FOXO3: variants seen among roughly 807,000 people sequenced by gnomAD.
FOXO3 encodes forkhead box O3, also known as forkhead box protein O3.
Under a neutral mutation model 41.9 loss-of-function variants are expected in FOXO3, and 4 were observed. The observed-to-expected ratio is 0.10, with a 90% CI of 0.05 to 0.22. The LOEUF is 0.22. Among genes scored for constraint, FOXO3 ranks in the 10% least tolerant of loss-of-function variants. The pLI is 1.00. For missense variants in FOXO3, 534 were observed against 906.8 expected, an observed-to-expected ratio of 0.59 and a Z score of 5.28; for synonymous variants, 318 against 389.3, an observed-to-expected ratio of 0.82 and a Z score of 2.16.
chr6:108,597,334 G>A (rs1018770309), intron 1 of FOXO3, among the ~76,000 whole-genome samples: 7 of 152,186 alleles, frequency 4.6e-5, no homozygotes, highest in African/African-American at 1.4e-4. Context: ...AAGCACACCA[G>A]GCTGAGAATG....
intron 1 of FOXO3, among the ~76,000 whole-genome samples, chr6:108,616,236 C>T (rs1346679319): frequency 7.0e-6 from 1 of 143,338 alleles, no homozygotes; most frequent in African/African-American, 2.6e-5. Flanking sequence ...GCAGTCTCGG[C>T]TCACTGCAAG....
At chr6:108,600,382 C>A (rs1416361345) in intron 1 of FOXO3, among the ~76,000 whole-genome samples, 5 of 151,760 alleles carry the variant, frequency 3.3e-5, no homozygotes, top group Admixed American at 6.6e-5. Flanking sequence ...CCCACCTCTA[C>A]TAAAGATACA....
At position 108,626,292 on chromosome 6, in the gene FOXO3, C is replaced by T. The variant is rs536167096; in HGVS notation, c.622-37163C>T. Among the ~76,000 whole-genome samples, 10 of 152,276 alleles carry T rather than the reference C, an allele frequency of 6.6e-5. No individual in the cohort carries two copies. The South Asian group carries it at 2.1e-3, about 32-fold the overall frequency. On this transcript the variant is annotated intron_variant, in intron 1 of 2. Transcript: ENST00000406360. ...TCATTGGTCCTCAATGACTGACTGC[C>T]GGACTCAGAGTTGAGGGTCTGATCT...
intron 1 of FOXO3, among the ~76,000 whole-genome samples, chr6:108,585,433 T>C (rs1434254346): frequency 6.6e-6 from 1 of 152,248 alleles, no homozygotes; most frequent in Non-Finnish European, 1.5e-5. Flanking sequence ...CACTTGGAGT[T>C]TAGATTTTGC....
Position 108,664,175 on chromosome 6 carries a change from A to G in FOXO3, c.1342A>G (p.Met448Val). The change falls in exon 2 of 3, where the codon ATG (methionine) becomes GTG (valine). Residue 448 changes from methionine to valine, a missense_variant. Physicochemically the swap from Met to Val is conservative, Grantham distance 21. This residue lies in a region of FOXO3 where 185 missense variants were observed against 224.9 expected (regional missense o/e 0.82). Transcript: ENST00000406360. ...TCTGAACTCCCTACGCCAGTCTCCC[A>G]TGCAGACCATCCAAGAGAACAAGCC... is the stretch of plus-strand genomic sequence containing the variant. The part of the protein sequence containing the change: ...SSLNSLRQSP[M>V]QTIQENKPAT... 2 of 1,613,726 alleles carry G rather than the reference A, an allele frequency of 1.2e-6. No individual in the cohort carries two copies. The highest frequency in any genetic ancestry group is 1.1e-5 in the South Asian group (1 of 91,060).
chr6:108,642,386 C>A (rs943140189), intron 1 of FOXO3, among the ~76,000 whole-genome samples: 1 of 151,948 alleles, frequency 6.6e-6, no homozygotes. Context: ...CCACCATGCC[C>A]GTCCTGAAAT....
chr6:108,603,471 A>G (rs770675106), intron 1 of FOXO3, among the ~76,000 whole-genome samples: 3 of 152,180 alleles, frequency 2.0e-5, no homozygotes, highest in African/African-American at 7.2e-5. Context: ...CTCGGGGATG[A>G]TAAAGGACCC....
chr6:108,561,079 T>C lies in FOXO3; in HGVS notation c.-130T>C. On this transcript the variant is annotated 5_prime_UTR_variant, in exon 1 of 3. Transcript: ENST00000406360. ...CTCTCCTTCTCTCTTCTTTGGTGCT[T>C]CCCCAGGCGGCGGCGGCGGCGCCCG... 1.4e-6 allele frequency: 2 copies of C among 1,428,354 alleles called. No homozygotes were observed. Among genetic ancestry groups the C allele is most frequent in the East Asian group, 3.0e-5 (1 of 33,318 alleles). The allele number at this position is 1,428,354 out of a possible 1,614,324, so 88.5% of individuals were successfully genotyped here.
chr6:108,569,971 T>A (rs905609278), intron 1 of FOXO3, among the ~76,000 whole-genome samples: 1 of 148,230 alleles, frequency 6.7e-6, no homozygotes, highest in Non-Finnish European at 1.5e-5. Context: ...ATCCACATCA[T>A]GTTTTCCCTT....
chr6:108,652,967 G>C (rs1778586591), intron 1 of FOXO3, among the ~76,000 whole-genome samples: 1 of 152,184 alleles, frequency 6.6e-6, no homozygotes, highest in African/African-American at 2.4e-5. Context: ...GCTCCACCGA[G>C]TAGCACACAC....
chr6:108,635,041 G>C (rs1451835558), intron 1 of FOXO3, among the ~76,000 whole-genome samples: 4 of 151,696 alleles, frequency 2.6e-5, no homozygotes, highest in African/African-American at 4.8e-5. Flanking sequence ...GCTCACACCT[G>C]TAATCCCAGC....
chr6:108,616,539 C>T (rs562841252), intron 1 of FOXO3, among the ~76,000 whole-genome samples: 1 of 152,162 alleles, frequency 6.6e-6, no homozygotes, highest in Admixed American at 6.5e-5. Flanking sequence ...TCAAGCAATC[C>T]TCCCAACTCT....
At chr6:108,611,226 C>T (rs1344991654) in intron 1 of FOXO3, among the ~76,000 whole-genome samples, 1 of 152,114 alleles carries the variant, frequency 6.6e-6, no homozygotes, top group African/African-American at 2.4e-5. Flanking sequence ...TATGGATATT[C>T]TGTTATAGAA....
chr6:108,638,193 G>A (rs1778168136), intron 1 of FOXO3, among the ~76,000 whole-genome samples: 2 of 152,168 alleles, frequency 1.3e-5, no homozygotes, highest in African/African-American at 4.8e-5. Flanking sequence ...AGTGGGTGTG[G>A]AGGAGTCATT....
At chr6:108,651,150 T>TA (rs1167556251) in intron 1 of FOXO3, among the ~76,000 whole-genome samples, 1 of 152,250 alleles carries the variant, frequency 6.6e-6, no homozygotes, top group Non-Finnish European at 1.5e-5. Flanking sequence ...ATTGACTGCA[T>TA]CGTACTCTTT....
intron 1 of FOXO3, among the ~76,000 whole-genome samples, chr6:108,606,033 A>G (rs1777190191): frequency 6.6e-6 from 1 of 152,262 alleles, no homozygotes. Flanking sequence ...AAGAGTTACA[A>G]GTAAATTAAA....
At chr6:108,579,118 A>T (rs1776341260) in intron 1 of FOXO3, among the ~76,000 whole-genome samples, 1 of 152,126 alleles carries the variant, frequency 6.6e-6, no homozygotes, top group Admixed American at 6.5e-5. Context: ...GTTGCCTGAG[A>T]TTCATAAACA....
chr6:108,568,048 C>CA (rs879757833), intron 1 of FOXO3, among the ~76,000 whole-genome samples: 5,822 of 138,480 alleles, frequency 0.042, 359 homozygotes, highest in African/African-American at 0.14. Flanking sequence ...AACTCCATCT[C>CA]AAAAAAAAAA....
chr6:108,660,686 C>T (rs1034843864), intron 1 of FOXO3, among the ~76,000 whole-genome samples: 14 of 151,888 alleles, frequency 9.2e-5, no homozygotes, highest in African/African-American at 3.1e-4. Flanking sequence ...GCCTGGCCAA[C>T]ATAGTGAAAC....
Sources: gnomAD v4.1 joint callset for allele counts (sites outside exome capture counted in the v4.1 genomes callset) on GRCh38, gnomAD v4.1.1 for gene constraint, gnomAD v4.1.1 regional missense constraint, MANE v1.5 for transcripts, NCBI Gene and HGNC (gene_info 2026-07-23, HGNC 2026-07-21) for gene names.